The following SNX19 variants were observed in gnomAD, a reference collection of about 807,000 sequenced individuals.
SNX19 encodes sorting nexin-19.
In SNX19, 60 loss-of-function variants were observed where a neutral mutation model predicts 85.2. The ratio of observed to expected loss-of-function variants is 0.70; its 90% CI spans 0.57 to 0.87. The LOEUF (loss-of-function observed/expected upper bound fraction) is 0.87. Ranked by LOEUF, SNX19 falls within the 40% of genes least tolerant of loss-of-function variation. The pLI is 0.00. For missense variants in SNX19, 1,201 were observed against 1,217.8 expected (o/e 0.99, Z 0.21); for synonymous variants, 520 against 470.0 (o/e 1.11, Z -1.38).
Position 130,871,414 on chromosome 11 carries a change from G to A in SNX19, c.*7008C>T, listed in dbSNP as rs1282007770. On this transcript the variant is annotated 3_prime_UTR_variant, in exon 11 of 11. Coordinates refer to ENST00000265909, the MANE Select transcript of SNX19 (RefSeq NM_014758.3). ...TCAGCTCACTGAATTTGGATTCCATGCAAGCAGGATGTGTAAAGGAGGTAA... is the reference window on the plus strand; with the variant it reads ...TCAGCTCACTGAATTTGGATTCCATACAAGCAGGATGTGTAAAGGAGGTAA... Among the ~76,000 whole-genome samples, 1 of 152,154 alleles carries A rather than the reference G, an allele frequency of 6.6e-6. No individual in the cohort carries two copies.
intron 8 of SNX19, among the ~76,000 whole-genome samples, chr11:130,884,781 A>G (rs894296152): frequency 1.3e-5 from 2 of 150,794 alleles, no homozygotes; most frequent in African/African-American, 4.9e-5. Flanking sequence ...CTGAGGCAGG[A>G]GACTCGCTTG....
At position 130,905,734 on chromosome 11, in the gene SNX19, C is replaced by T; in HGVS notation, c.2443+219G>A. ...ATCTCATCCTGCTGGATTAGAACTT[C>T]CTGTGTTTGTGCCCTGTTCTGCTGC... On this transcript the variant is annotated intron_variant, in intron 7 of 10. Transcript: ENST00000265909. 21 of 1,536,386 alleles carry T rather than the reference C, an allele frequency of 1.4e-5. No individual in the cohort carries two copies. In the South Asian group the frequency reaches 2.5e-4, roughly 18 times the overall value.
At chr11:130,888,290 T>C (rs1944234612) in intron 8 of SNX19, among the ~76,000 whole-genome samples, 1 of 152,212 alleles carries the variant, frequency 6.6e-6, no homozygotes, top group African/African-American at 2.4e-5. Flanking sequence ...TTAGAATTAC[T>C]TGCAAATTTT....
At chr11:130,886,686 A>AT (rs1944102359) in intron 8 of SNX19, among the ~76,000 whole-genome samples, 1 of 151,410 alleles carries the variant, frequency 6.6e-6, no homozygotes, top group Non-Finnish European at 1.5e-5. Context: ...GATTCAGGAC[A>AT]TTATCCATTA....
Position 130,876,421 on chromosome 11 carries a change from G to A in SNX19, c.*2001C>T, listed in dbSNP as rs1364941466. 6.6e-6 allele frequency: 1 copy of A among 152,594 alleles called. No individual in the cohort carries two copies. The highest frequency in any genetic ancestry group is 1.5e-5 in the Non-Finnish European group (1 of 68,028). 9.5% of individuals were successfully genotyped at this position (152,594 alleles called of 1,614,324 possible). On this transcript the variant is annotated 3_prime_UTR_variant, in exon 11 of 11. Coordinates refer to ENST00000265909, the MANE Select transcript of SNX19 (RefSeq NM_014758.3). ...TTTGGGGTACGTGGAGTAGAGGTGG[G>A]GACTCTTATATAATACGAAATAAAA...
At chr11:130,878,639 CA>C in intron 10 of SNX19, 85 bp from the exon 11 acceptor site, 1 of 1,483,924 alleles carries the variant, frequency 6.7e-7, no homozygotes, top group Non-Finnish European at 9.1e-7. Flanking sequence ...TCTCCTCCCC[CA>C]TCACCGACAC....
At chr11:130,897,446 T>C (rs955682531) in intron 8 of SNX19, among the ~76,000 whole-genome samples, 3 of 152,142 alleles carry the variant, frequency 2.0e-5, no homozygotes, top group Admixed American at 6.5e-5. Context: ...ATGCCAGGAA[T>C]GTGTCTGCTG....
intron 8 of SNX19, among the ~76,000 whole-genome samples, chr11:130,887,685 C>T (rs778661783): frequency 1.3e-5 from 2 of 152,318 alleles, no homozygotes; most frequent in South Asian, 4.1e-4. Flanking sequence ...TCTGGAGTTA[C>T]CAGATATTAG....
At chr11:130,898,844 C>T (rs1337489790) in intron 8 of SNX19, among the ~76,000 whole-genome samples, 1 of 151,214 alleles carries the variant, frequency 6.6e-6, no homozygotes, top group Non-Finnish European at 1.5e-5. Context: ...TTGGATTCTA[C>T]AAACTGCCTG....
At chr11:130,905,775 C>G in intron 7 of SNX19, 178 bp downstream of exon 7, 2 of 1,538,044 alleles carry the variant, frequency 1.3e-6, no homozygotes, top group South Asian at 2.4e-5. Flanking sequence ...TCCGCTGTGG[C>G]AACTATGTAC....
chr11:130,906,748 A>G, intron 5 of SNX19, 27 bp from the exon 6 acceptor site: 1 of 1,544,456 alleles, frequency 6.5e-7, no homozygotes. Flanking sequence ...GAGCAGAAAC[A>G]GGTTGTAATT....
rs1415216766 is a variant in SNX19, at chr11:130,898,296, T to C, written c.2573+4959A>G. Among the ~76,000 whole-genome samples the C allele has an allele frequency of 3.3e-5, 5 of 152,154 alleles. No homozygotes were observed. The East Asian group carries it at 9.6e-4, about 29-fold the overall frequency. On this transcript the variant is annotated intron_variant, in intron 8 of 10. Coordinates refer to ENST00000265909, the MANE Select transcript of SNX19 (RefSeq NM_014758.3). ...GAAGCAGAGGAATAAACTTGCCTGC[T>C]TGGGGATAATAATACTGGAGGTTGG...
intron 8 of SNX19, among the ~76,000 whole-genome samples, chr11:130,894,422 G>A (rs1016081051): frequency 2.0e-5 from 3 of 152,116 alleles, no homozygotes; most frequent in African/African-American, 7.2e-5. Flanking sequence ...AAAGAAACAG[G>A]GCTTATCTAA....
rs1375547528 is a variant in SNX19, at chr11:130,873,715, T to C, written c.*4707A>G. 1.3e-5 allele frequency among the ~76,000 whole-genome samples: 2 copies of C among 152,156 alleles called. No individual in the cohort carries two copies. Among genetic ancestry groups the C allele is most frequent in the Non-Finnish European group, 1.5e-5 (1 of 68,026 alleles). Reference sequence around the variant, plus strand: ...TTTGTGGGTTAAATAAGTGAAGATATGTAAAGACTTTAAGTAATGCTCTCA... The same window carrying C: ...TTTGTGGGTTAAATAAGTGAAGATACGTAAAGACTTTAAGTAATGCTCTCA... On this transcript the variant is annotated 3_prime_UTR_variant, in exon 11 of 11. Transcript: ENST00000265909.
At chr11:130,880,888 C>A in intron 8 of SNX19, 82 bp from the exon 9 acceptor site, 1 of 1,198,260 alleles carries the variant, frequency 8.3e-7, no homozygotes, top group South Asian at 2.0e-5. Context: ...TTTATGTTCC[C>A]CTGCAGATTC....
Position 130,868,603 on chromosome 11 carries a change from G to A in SNX19, c.*9819C>T, listed in dbSNP as rs1305754495. 2 of 152,150 alleles carry A rather than the reference G, an allele frequency of 1.3e-5. No individual in the cohort carries two copies. The highest frequency in any genetic ancestry group is 1.5e-5 in the Non-Finnish European group (1 of 68,044). 9.4% of individuals were successfully genotyped at this position (152,150 alleles called of 1,614,324 possible). ...TCAAAGCTTCACATTTCAAATGGAA[G>A]CTGCTACGCTATGAAACTTGCTCAG... On this transcript the variant is annotated 3_prime_UTR_variant, in exon 11 of 11. Transcript: ENST00000265909.
chr11:130,912,034 A>G (rs928538984), intron 1 of SNX19, among the ~76,000 whole-genome samples: 1 of 151,820 alleles, frequency 6.6e-6, no homozygotes, highest in Non-Finnish European at 1.5e-5. Context: ...AAATGGCTAC[A>G]TAACTGTTTT....
chr11:130,910,024 T>C lies in SNX19; in HGVS notation c.2028A>G (p.Ile676Met). The C allele has an allele frequency of 6.2e-7, 1 of 1,613,274 alleles. No homozygotes were observed. The highest frequency in any genetic ancestry group is 8.5e-7 in the Non-Finnish European group (1 of 1,180,022). Reference sequence around the variant, plus strand: ...ACAGTGGCCCTGCTGGTACCTTGTCTATTCTAGAGACCATAAATGGTTTCT... The same window carrying C: ...ACAGTGGCCCTGCTGGTACCTTGTCCATTCTAGAGACCATAAATGGTTTCT... ...FVKKPFMVSR[I>M]DKMVVSAIVD... is the part of the protein sequence containing the mutation. Residue 676 changes from isoleucine (I) to methionine (M), a missense_variant, in exon 4 of 11, where the codon ATA (isoleucine) becomes ATG (methionine). Physicochemically the swap from Ile to Met is conservative, Grantham distance 10. Around this residue, in one of 3 missense-constraint regions of SNX19, gnomAD observed 125 missense variants for 171.6 expected, o/e 0.73. Coordinates refer to ENST00000265909, the MANE Select transcript of SNX19 (RefSeq NM_014758.3).
At chr11:130,902,383 T>C (rs995059380) in intron 8 of SNX19, among the ~76,000 whole-genome samples, 2 of 152,242 alleles carry the variant, frequency 1.3e-5, no homozygotes, top group African/African-American at 4.8e-5. Context: ...TTGCTGTTAA[T>C]AACTTTTCGA....
Sources: allele counts gnomAD v4.1 joint callset (sites outside exome capture counted in the v4.1 genomes callset), GRCh38; gene constraint gnomAD v4.1.1; regional missense constraint gnomAD v4.1.1; transcripts MANE v1.5; gene names NCBI Gene and HGNC (gene_info 2026-07-23, HGNC 2026-07-21).